METTL8: variants seen among roughly 807,000 people sequenced by gnomAD.
METTL8 encodes the protein methyltransferase 8, tRNA N3-cytidine.
In METTL8, 32 loss-of-function variants were observed where a neutral mutation model predicts 48.7. That is an observed-to-expected ratio of 0.66 (90% CI 0.50 to 0.88). The LOEUF (loss-of-function observed/expected upper bound fraction) is 0.88. Ranked by LOEUF, METTL8 falls within the 40% of genes least tolerant of loss-of-function variation. The probability of loss-of-function intolerance (pLI) is 0.00; values close to 1 mark genes in which losing one functional copy is unlikely to be tolerated. For synonymous variants in METTL8, 136 were observed against 157.1 expected (o/e 0.87, Z 1.01); for missense variants, 464 against 474.4 (o/e 0.98, Z 0.20).
chr2:171,396,210 C>T (rs1451057286), intron 1 of METTL8, among the ~76,000 whole-genome samples: 1 of 151,612 alleles, frequency 6.6e-6, no homozygotes, highest in Non-Finnish European at 1.5e-5. Flanking sequence ...TGCAGTGAGC[C>T]GAGATTGTGC....
intron 1 of METTL8, among the ~76,000 whole-genome samples, chr2:171,423,200 G>A (rs1372452445): frequency 6.6e-6 from 1 of 152,156 alleles, no homozygotes; most frequent in Non-Finnish European, 1.5e-5. Flanking sequence ...TGAGCCATGT[G>A]GAACTGTGAG....
At chr2:171,403,639 C>T (rs924234263) in intron 1 of METTL8, among the ~76,000 whole-genome samples, 1 of 151,964 alleles carries the variant, frequency 6.6e-6, no homozygotes, top group African/African-American at 2.4e-5. Context: ...ATGTACCATA[C>T]GAATCTGTTA....
intron 3 of METTL8, among the ~76,000 whole-genome samples, chr2:171,357,189 C>G (rs1684676757): frequency 6.6e-6 from 1 of 151,918 alleles, no homozygotes; most frequent in Non-Finnish European, 1.5e-5. Flanking sequence ...GAACACCTGG[C>G]CTCAAGTGAT....
chr2:171,358,017 C>A (rs1262711628), intron 3 of METTL8, among the ~76,000 whole-genome samples: 2 of 151,756 alleles, frequency 1.3e-5, no homozygotes, highest in Non-Finnish European at 2.9e-5. Context: ...TTATAGAACC[C>A]CAAAAGATCC....
Position 171,360,813 on chromosome 2 carries a change from A to ATGGTT in METTL8, c.144-301_144-300insAACCA, listed in dbSNP as rs200840960. Among the ~76,000 whole-genome samples the ATGGTT allele has an allele frequency of 1.9e-3, 286 of 152,302 alleles. 7 individuals carry two copies. The East Asian group carries it at 0.029, about 15-fold the overall frequency. On this transcript the variant is annotated intron_variant, in intron 2 of 9. Coordinates refer to ENST00000375258, the MANE Select transcript of METTL8 (RefSeq NM_001321154.2). ...GGTGTATGACTATTTGGGTGCTGGT[A>ATGGTT]TGCCGGTTTTTACTCTAAGGCTAAA...
chr2:171,426,176 C>G (rs1692399145), intron 1 of METTL8, among the ~76,000 whole-genome samples: 1 of 151,640 alleles, frequency 6.6e-6, no homozygotes, highest in South Asian at 2.1e-4. Flanking sequence ...AAAAACAAAA[C>G]AAAAAACATG....
chr2:171,375,942 A>G (rs912433251), intron 2 of METTL8, among the ~76,000 whole-genome samples: 1 of 152,178 alleles, frequency 6.6e-6, no homozygotes, highest in Non-Finnish European at 1.5e-5. Context: ...AACCTTTTCC[A>G]GAGACCTGCT....
At position 171,324,047 on chromosome 2, in the gene METTL8, T is replaced by C; in HGVS notation, c.*125A>G. On this transcript the variant is annotated 3_prime_UTR_variant, in exon 10 of 10. Transcript: ENST00000375258. ...TAAAATGCACAAAGGAGCTCACCTA[T>C]GACAAAACGGCAGGAAATACAAATT... The C allele has an allele frequency of 2.5e-6, 2 of 788,908 alleles. No homozygotes were observed. The highest frequency in any genetic ancestry group is 3.9e-6 in the Non-Finnish European group (2 of 509,510). The allele number at this position is 788,908 out of a possible 1,614,324, so 48.9% of individuals were successfully genotyped here.
rs752192049 is a variant in METTL8, at chr2:171,339,497, T to C, written c.293A>G (p.Asn98Ser). 9.3e-6 allele frequency: 15 copies of C among 1,610,098 alleles called. No homozygotes were observed. The highest frequency in any genetic ancestry group is 1.2e-5 in the Non-Finnish European group (14 of 1,177,080). The stretch of plus-strand genomic sequence containing the variant: ...CCAATTACGATCCTTGAAAAACTTA[T>C]TCTTATGAATCTTGTAAAATGTGTC... Reference protein sequence around the residue: ...YWDTFYKIHKNKFFKDRNWLL... With the variant: ...YWDTFYKIHKSKFFKDRNWLL... Residue 98 changes from asparagine (N) to serine (S), a missense_variant, in exon 4 of 10, where the codon AAT becomes AGT. Asn to Ser is a conservative substitution (Grantham distance 46, BLOSUM62 1). Transcript: ENST00000375258.
chr2:171,332,092 C>T lies in METTL8; in HGVS notation c.657-225G>A, dbSNP rs1009020801. ...GTAGAGATGGGGTCTCACTATGTTG[C>T]CCAGGCTGGTCTTGAACTATTGTTC... On this transcript the variant is annotated intron_variant, in intron 5 of 9. Transcript: ENST00000375258. 7 of 400,190 alleles carry T rather than the reference C, an allele frequency of 1.7e-5. No individual in the cohort carries two copies. In the Admixed American group the frequency reaches 2.5e-4, roughly 14 times the overall value. The allele number at this position is 400,190 out of a possible 1,614,324, so 24.8% of individuals were successfully genotyped here.
At chr2:171,413,256 T>C (rs1309100677) in intron 1 of METTL8, among the ~76,000 whole-genome samples, 3 of 152,164 alleles carry the variant, frequency 2.0e-5, no homozygotes, top group Non-Finnish European at 4.4e-5. Context: ...AGAATACCCA[T>C]ATTCATCTGA....
chr2:171,397,369 A>C (rs1689182547), intron 1 of METTL8, among the ~76,000 whole-genome samples: 1 of 146,512 alleles, frequency 6.8e-6, no homozygotes. Flanking sequence ...AAAAAAAAAA[A>C]AAAAAAAAAA....
intron 5 of METTL8, chr2:171,332,478 C>T (rs1395149926): frequency 6.6e-6 from 1 of 152,490 alleles, no homozygotes; most frequent in Admixed American, 6.5e-5. Flanking sequence ...TAATTGGACT[C>T]TTCTTAACTT....
At chr2:171,393,566 T>C (rs1255674501) in intron 1 of METTL8, among the ~76,000 whole-genome samples, 2 of 152,328 alleles carry the variant, frequency 1.3e-5, no homozygotes, top group African/African-American at 4.8e-5. Context: ...AAAATCTTTA[T>C]GGAAAAGTAT....
Position 171,391,920 on chromosome 2 carries a change from G to A in METTL8, c.143+123C>T. On this transcript the variant is annotated intron_variant, in intron 2 of 9. Coordinates refer to ENST00000375258, the MANE Select transcript of METTL8 (RefSeq NM_001321154.2). ...GTCAGGATCGGTTACCCTAGCTTTT[G>A]GACCTCTACAACATGAGTTAGGTCA... The A allele has an allele frequency of 5.4e-6, 5 of 926,842 alleles. 1 individual carries two copies. In the South Asian group the frequency reaches 9.4e-5, roughly 17 times the overall value. The allele number at this position is 926,842 out of a possible 1,614,324, so 57.4% of individuals were successfully genotyped here.
At position 171,369,924 on chromosome 2, in the gene METTL8, G is replaced by A. The variant is rs145722186; in HGVS notation, c.144-9411C>T. Among the ~76,000 whole-genome samples the A allele has an allele frequency of 5.9e-3, 892 of 151,996 alleles. 7 individuals carry two copies. The highest frequency in any genetic ancestry group is 0.02 in the African/African-American group (835 of 41,464). ...CTACTAAAAATACAAAAATTAGCTG[G>A]GCATGGTGGTGCATGCCTATAATCC... On this transcript the variant is annotated intron_variant, in intron 2 of 9. Coordinates refer to ENST00000375258, the MANE Select transcript of METTL8 (RefSeq NM_001321154.2).
chr2:171,342,518 A>G (rs961990579), intron 3 of METTL8, among the ~76,000 whole-genome samples: 1 of 152,172 alleles, frequency 6.6e-6, no homozygotes. Flanking sequence ...ACTATGTAAG[A>G]AAACAAAATG....
At chr2:171,374,871 A>G in intron 2 of METTL8, 1 of 811,410 alleles carries the variant, frequency 1.2e-6, no homozygotes, top group South Asian at 1.4e-5. Flanking sequence ...TTTAAGTACA[A>G]TTTCCATTTT....
intron 2 of METTL8, among the ~76,000 whole-genome samples, chr2:171,390,112 T>G (rs1429513984): frequency 1.1e-4 from 17 of 152,138 alleles, no homozygotes; most frequent in Admixed American, 1.0e-3. Context: ...ATACTGAATC[T>G]ACTCTGCCTA....
Sources: allele counts gnomAD v4.1 joint callset (sites outside exome capture counted in the v4.1 genomes callset), GRCh38; gene constraint gnomAD v4.1.1; transcripts MANE v1.5; gene names NCBI Gene and HGNC (gene_info 2026-07-23, HGNC 2026-07-21).